Variants in PRDM16 observed in about 807,000 individuals in gnomAD.
PRDM16 encodes PR/SET domain 16.
PRDM16 carries 23 observed loss-of-function variants against 110.6 expected under a neutral mutation model. The ratio of observed to expected loss-of-function variants is 0.21; its 90% CI spans 0.15 to 0.29. The LOEUF (loss-of-function observed/expected upper bound fraction) is 0.29. PRDM16 is among the 10% of genes least tolerant of loss of function. PRDM16 has a pLI of 1.00. For synonymous variants in PRDM16, 799 were observed against 781.8 expected (o/e 1.02, Z -0.37); for missense variants, 1,615 against 1,794.3 (o/e 0.90, Z 1.81).
chr1:3,370,488 G>A lies in PRDM16; in HGVS notation c.439-14664G>A, dbSNP rs182316912. The stretch of plus-strand genomic sequence containing the variant: ...AGCATGCATTGAGCACTCATGGTTT[G>A]CCTGGCTCTGGGAATCAGCCAGATA... On this transcript the variant is annotated intron_variant, in intron 3 of 16. Transcript: ENST00000270722. This position sits in a 1 kb window ranked among gnomAD's most constrained non-coding sequence, Gnocchi z 4.8. Among the ~76,000 whole-genome samples the A allele has an allele frequency of 2.8e-3, 431 of 152,242 alleles. 1 individual carries two copies. The highest frequency in any genetic ancestry group is 9.9e-3 in the African/African-American group (413 of 41,526).
intron 2 of PRDM16, among the ~76,000 whole-genome samples, chr1:3,217,241 C>A (rs1639049250): frequency 6.6e-6 from 1 of 152,264 alleles, no homozygotes; most frequent in African/African-American, 2.4e-5. Context: ...AGAATCCATT[C>A]CTGGGCGGCT....
intron 3 of PRDM16, among the ~76,000 whole-genome samples, chr1:3,270,464 G>A (rs1040924603): frequency 6.7e-6 from 1 of 149,324 alleles, no homozygotes; most frequent in African/African-American, 2.5e-5. Flanking sequence ...AGGACAGTCG[G>A]CGAGGAGGAC....
chr1:3,094,145 G>A (rs977296462), intron 1 of PRDM16, among the ~76,000 whole-genome samples: 12 of 152,196 alleles, frequency 7.9e-5, no homozygotes, highest in Non-Finnish European at 1.3e-4. Context: ...AGAGGCGGGC[G>A]GGGCACGCAG....
intron 1 of PRDM16, among the ~76,000 whole-genome samples, chr1:3,152,752 A>C (rs1643799773): frequency 6.6e-6 from 1 of 151,996 alleles, no homozygotes; most frequent in South Asian, 2.1e-4. Flanking sequence ...GGCTGCATGG[A>C]CTCAGCCATA....
intron 3 of PRDM16, among the ~76,000 whole-genome samples, chr1:3,364,281 G>A (rs1239866781): frequency 6.6e-6 from 1 of 152,230 alleles, no homozygotes; most frequent in Non-Finnish European, 1.5e-5. Flanking sequence ...GCGGAGGTCT[G>A]TATTGTGGGT....
In PRDM16 at chr1:3,390,451, G is replaced by A. The variant is rs963374176; in HGVS notation, c.573+5165G>A. Among the ~76,000 whole-genome samples, 40 of 152,200 alleles carry A rather than the reference G, an allele frequency of 2.6e-4. No individual in the cohort carries two copies. The highest frequency in any genetic ancestry group is 1.4e-3 in the Admixed American group (21 of 15,292). On this transcript the variant is annotated intron_variant, in intron 4 of 16. Transcript: ENST00000270722. The surrounding 1 kb of genome is among the most constrained non-coding windows in gnomAD (Gnocchi z 5.0). ...TCTGCATAGCGCCCTGGGGCTGCCT[G>A]GGCATCAGACAAACCCCAAAACCCC...
Position 3,425,415 on chromosome 1 carries a change from C to A in PRDM16, c.2940-166C>A. The A allele has an allele frequency of 1.5e-6, 1 of 664,844 alleles. No homozygotes were observed. Among genetic ancestry groups the A allele is most frequent in the Non-Finnish European group, 2.5e-6 (1 of 401,048 alleles). 41.2% of individuals were successfully genotyped at this position (664,844 alleles called of 1,614,324 possible). A position where few individuals can be genotyped will look rare whatever the true frequency, so the allele number is the denominator to read the frequency against. On this transcript the variant is annotated intron_variant, in intron 12 of 16. Coordinates refer to ENST00000270722, the MANE Select transcript of PRDM16 (RefSeq NM_022114.4). The surrounding 1 kb of genome is among the most constrained non-coding windows in gnomAD (Gnocchi z 6.9). ...TCTAGGGACAGCTTCCCCAGGATGC[C>A]TTTGGCTCTGCAGCTGGGAGATCCA...
Position 3,221,573 on chromosome 1 carries a change from A to G in PRDM16, c.388-22514A>G, listed in dbSNP as rs1036992722. 7.9e-5 allele frequency among the ~76,000 whole-genome samples: 12 copies of G among 152,332 alleles called. No individual in the cohort carries two copies. The East Asian group carries it at 1.9e-3, about 25-fold the overall frequency. On this transcript the variant is annotated intron_variant, in intron 2 of 16. Transcript: ENST00000270722. ...CAGTCACAGAGAAGTCTGGCTTCCA[A>G]TGAACGTCATGCACTGCGCTTGCTT...
At chr1:3,096,666 A>G (rs1642406955) in intron 1 of PRDM16, among the ~76,000 whole-genome samples, 1 of 152,160 alleles carries the variant, frequency 6.6e-6, no homozygotes, top group Non-Finnish European at 1.5e-5. Context: ...CCCCTGGACC[A>G]GCGAGGAAGA....
At chr1:3,374,275 A>G (rs1642955986) in intron 3 of PRDM16, among the ~76,000 whole-genome samples, 1 of 152,340 alleles carries the variant, frequency 6.6e-6, no homozygotes, top group Middle Eastern at 3.4e-3. Flanking sequence ...AAGCCAGCAG[A>G]GCCAGGCAAC....
chr1:3,322,097 C>T (rs543026239), intron 3 of PRDM16, among the ~76,000 whole-genome samples: 5 of 149,662 alleles, frequency 3.3e-5, no homozygotes, highest in South Asian at 2.1e-4. Context: ...CATATGTGTG[C>T]GGCTCTGTGT....
intron 1 of PRDM16, among the ~76,000 whole-genome samples, chr1:3,174,325 A>G (rs1027172244): frequency 1.3e-5 from 2 of 151,960 alleles, no homozygotes; most frequent in Non-Finnish European, 2.9e-5. Context: ...CACTATAAAG[A>G]CCTTATTTCC....
At chr1:3,198,515 G>A (rs892964710) in intron 2 of PRDM16, among the ~76,000 whole-genome samples, 2 of 152,246 alleles carry the variant, frequency 1.3e-5, no homozygotes, top group African/African-American at 4.8e-5. Context: ...CACCTGGAGT[G>A]CTTGGCGTGG....
chr1:3,351,708 CCT>C (rs1462194447), intron 3 of PRDM16, among the ~76,000 whole-genome samples: 4 of 92,302 alleles, frequency 4.3e-5, no homozygotes, highest in East Asian at 3.2e-4. Flanking sequence ...TCTCTCCCTT[CCT>C]CTGTCTCCCC....
chr1:3,335,622 CACACA>C (rs1278205142), intron 3 of PRDM16, among the ~76,000 whole-genome samples: 1 of 151,894 alleles, frequency 6.6e-6, no homozygotes, highest in African/African-American at 2.4e-5. Flanking sequence ...CACACACACA[CACACA>C]CACACACACA....
At chr1:3,136,938 C>T (rs1483896537) in intron 1 of PRDM16, among the ~76,000 whole-genome samples, 1 of 152,234 alleles carries the variant, frequency 6.6e-6, no homozygotes, top group Non-Finnish European at 1.5e-5. Flanking sequence ...GCTTCTCCTG[C>T]TGCCCCTGGC....
chr1:3,180,721 C>CTCCTGAGGGGT (rs1230871465), intron 1 of PRDM16, among the ~76,000 whole-genome samples: 9,713 of 151,954 alleles, frequency 0.064, 428 homozygotes, highest in East Asian at 0.2. Flanking sequence ...GGAGACCCTT[C>CTCCTGAGGGGT]CTCCTGAGGG....
chr1:3,162,751 C>T (rs559479478), intron 1 of PRDM16, among the ~76,000 whole-genome samples: 1 of 152,338 alleles, frequency 6.6e-6, no homozygotes, highest in East Asian at 1.9e-4. Context: ...TCCTGTGTGG[C>T]AGGGACCTGG....
chr1:3,079,134 T>C (rs576208821), intron 1 of PRDM16, among the ~76,000 whole-genome samples: 77 of 152,342 alleles, frequency 5.1e-4, no homozygotes, highest in African/African-American at 1.7e-3. Flanking sequence ...ACCGCCTCCC[T>C]GGTGGAGCCG....
Sources: gnomAD v4.1 joint callset for allele counts (sites outside exome capture counted in the v4.1 genomes callset) on GRCh38, gnomAD v4.1.1 for gene constraint, Gnocchi (gnomAD v3.1) non-coding constraint, MANE v1.5 for transcripts, NCBI Gene and HGNC (gene_info 2026-07-23, HGNC 2026-07-21) for gene names.